CPAP: variants seen among roughly 807,000 people sequenced by gnomAD.
CPAP encodes centrosomal P4.1-associated protein.
chr13:24,884,173 T>C, the CPAP span: 1 of 1,614,170 alleles, frequency 6.2e-7, no homozygotes, highest in Admixed American at 1.7e-5. Context: ...ATTTGTCCAC[T>C]TGAGAAATGT....
chr13:24,899,787 G>C, the CPAP span, among the ~76,000 whole-genome samples: 1 of 152,132 alleles, frequency 6.6e-6, no homozygotes, highest in African/African-American at 2.4e-5. Flanking sequence ...ATTCGACGAA[G>C]TAGTGGGGAA....
At chr13:24,898,206 T>A in the CPAP span, among the ~76,000 whole-genome samples, 1 of 152,192 alleles carries the variant, frequency 6.6e-6, no homozygotes, top group Non-Finnish European at 1.5e-5. Flanking sequence ...AATAGTCTTA[T>A]TTTTTAAAGG....
At chr13:24,910,218 G>A in the CPAP span, 1 of 858,338 alleles carries the variant, frequency 1.2e-6, no homozygotes, top group Non-Finnish European at 1.9e-6. Flanking sequence ...TTAGGAAATG[G>A]TGTTTAACAA....
chr13:24,906,171 G>A, the CPAP span: 9 of 1,613,786 alleles, frequency 5.6e-6, no homozygotes, highest in East Asian at 2.2e-5. Flanking sequence ...TTTGTCTTCT[G>A]TGGCACAGCT....
chr13:24,923,714 C>T, the CPAP span, among the ~76,000 whole-genome samples: 1 of 152,238 alleles, frequency 6.6e-6, no homozygotes, highest in Non-Finnish European at 1.5e-5. Context: ...AAAGACAAAA[C>T]TATTTCACAG....
chr13:24,889,371 C>A, the CPAP span: 1 of 1,611,790 alleles, frequency 6.2e-7, no homozygotes, highest in South Asian at 1.1e-5. Context: ...CTGAAGAAAT[C>A]TGACTGTTTT....
the CPAP span, among the ~76,000 whole-genome samples, chr13:24,932,042 CCTGCT>C: frequency 6.6e-6 from 1 of 152,234 alleles, no homozygotes. Flanking sequence ...GGCGACGGTC[CCTGCT>C]AGGGACGCTG....
chr13:24,903,833 C>T, the CPAP span: 13 of 1,320,994 alleles, frequency 9.8e-6, no homozygotes, highest in African/African-American at 1.7e-4. Flanking sequence ...ATTTGTTTGA[C>T]TGATTTAAAT....
the CPAP span, chr13:24,886,107 A>C: frequency 2.5e-6 from 1 of 392,270 alleles, no homozygotes; most frequent in South Asian, 1.9e-5. Flanking sequence ...CTGTACCAGC[A>C]ACATATACAT....
At chr13:24,925,636 T>C in the CPAP span, among the ~76,000 whole-genome samples, 9 of 152,158 alleles carry the variant, frequency 5.9e-5, no homozygotes, top group African/African-American at 2.2e-4. Flanking sequence ...ACATCAGGGC[T>C]AGCCTGGCCA....
chr13:24,883,993 A>C, the CPAP span: 2 of 1,614,042 alleles, frequency 1.2e-6, no homozygotes, highest in Admixed American at 1.7e-5. Context: ...ACCATCTGGG[A>C]AAATGCTTTC....
chr13:24,894,145 G>A, the CPAP span, among the ~76,000 whole-genome samples: 18 of 152,156 alleles, frequency 1.2e-4, no homozygotes, highest in African/African-American at 4.3e-4. Flanking sequence ...GCCAGGGACA[G>A]GAAGGGGAAA....
At chr13:24,914,660 T>C in the CPAP span, among the ~76,000 whole-genome samples, 1 of 152,080 alleles carries the variant, frequency 6.6e-6, no homozygotes, top group East Asian at 1.9e-4. Flanking sequence ...TAAAAAGCAA[T>C]TTTACTTGGG....
chr13:24,910,742 T>C, the CPAP span, among the ~76,000 whole-genome samples: 1 of 152,262 alleles, frequency 6.6e-6, no homozygotes, highest in Non-Finnish European at 1.5e-5. Context: ...AGTGCGGTTC[T>C]ACCTTTAAAA....
the CPAP span, among the ~76,000 whole-genome samples, chr13:24,907,361 A>C: frequency 6.6e-6 from 1 of 152,188 alleles, no homozygotes; most frequent in Admixed American, 6.5e-5. Flanking sequence ...TCCACACCTT[A>C]AAATAAAGAA....
the CPAP span, among the ~76,000 whole-genome samples, chr13:24,924,272 T>C: frequency 1.6e-5 from 2 of 122,096 alleles, no homozygotes; most frequent in Admixed American, 1.8e-4. Context: ...CTTGAAAGCA[T>C]GCCCAAAAGT....
chr13:24,923,522 T>G, the CPAP span, among the ~76,000 whole-genome samples: 1 of 152,220 alleles, frequency 6.6e-6, no homozygotes, highest in Non-Finnish European at 1.5e-5. Flanking sequence ...TCAAGAAATT[T>G]TTTTGTTTTG....
the CPAP span, among the ~76,000 whole-genome samples, chr13:24,922,537 C>T: frequency 7.7e-4 from 118 of 152,372 alleles, 1 homozygote; most frequent in East Asian, 0.021. Context: ...AGGCCGGCTT[C>T]CCCAGCTCTG....
At chr13:24,916,786 T>C in the CPAP span, among the ~76,000 whole-genome samples, 2 of 152,172 alleles carry the variant, frequency 1.3e-5, no homozygotes, top group Admixed American at 1.3e-4. Context: ...AAACTGAAAG[T>C]AAATGTCCAT....
Sources: gnomAD v4.1 joint callset for allele counts (sites outside exome capture counted in the v4.1 genomes callset) on GRCh38, gnomAD v4.1.1 for gene constraint, MANE v1.5 for transcripts, NCBI Gene and HGNC (gene_info 2026-07-23, HGNC 2026-07-21) for gene names.